SATB2: variants seen among roughly 807,000 people sequenced by gnomAD.
SATB2 encodes SATB homeobox 2.
A neutral mutation model predicts 73.4 loss-of-function variants in SATB2; 1 was observed. That is an observed-to-expected ratio of 0.01 (90% CI 0.00 to 0.06). The LOEUF (loss-of-function observed/expected upper bound fraction) is 0.06. Among genes scored for constraint, SATB2 ranks in the 10% least tolerant of loss-of-function variants. The probability of loss-of-function intolerance (pLI) is 1.00; values close to 1 mark genes in which losing one functional copy is unlikely to be tolerated. For missense variants in SATB2, 459 were observed against 945.8 expected (o/e 0.49, Z 6.75); for synonymous variants, 397 against 367.0 (o/e 1.08, Z -0.93).
chr2:199,441,510 A>G (rs936622342), intron 2 of SATB2, among the ~76,000 whole-genome samples: 1 of 152,208 alleles, frequency 6.6e-6, no homozygotes, highest in East Asian at 1.9e-4. Context: ...TGAGAATGAT[A>G]TCAAGAAATA....
At chr2:199,412,646 T>C (rs1017471290) in intron 3 of SATB2, among the ~76,000 whole-genome samples, 7 of 151,902 alleles carry the variant, frequency 4.6e-5, no homozygotes, top group Non-Finnish European at 8.8e-5. Flanking sequence ...TTTCTTTGTA[T>C]CTCCCTCCAT....
chr2:199,386,702 G>A (rs142982062), intron 3 of SATB2, among the ~76,000 whole-genome samples: 12 of 17,106 alleles, frequency 7.0e-4, no homozygotes, highest in East Asian at 4.9e-3. Context: ...GCAAGCGCGC[G>A]CGCGCGCGCG....
In SATB2 at chr2:199,270,688, T is replaced by C. The variant is rs568869625; in HGVS notation, c.*1523A>G. On this transcript the variant is annotated 3_prime_UTR_variant, in exon 11 of 11. Coordinates refer to ENST00000417098, the MANE Select transcript of SATB2 (RefSeq NM_001172509.2). ...AAGCCGAAAGAGATCTGGAGTACTA[T>C]AGTAGATTGCAGCTTTAATGCTCAT... 4 of 152,350 alleles carry C rather than the reference T, an allele frequency of 2.6e-5. No homozygotes were observed. Among genetic ancestry groups the C allele is most frequent in the African/African-American group, 9.6e-5 (4 of 41,464 alleles). 9.4% of individuals were successfully genotyped at this position (152,350 alleles called of 1,614,324 possible).
At position 199,308,775 on chromosome 2, in the gene SATB2, G is replaced by T. The variant is rs1687511705; in HGVS notation, c.1725C>A (p.Pro575=). The T allele has an allele frequency of 6.2e-7, 1 of 1,614,104 alleles. No individual in the cohort carries two copies. Among genetic ancestry groups the T allele is most frequent in the African/African-American group, 1.3e-5 (1 of 75,030 alleles). The stretch of plus-strand genomic sequence containing the variant: ...GGACACTGACCTGCACCGGCTCAGG[G>T]GGAAGCTGGACCACGTGTTGCATGC... ...SERMQHVVQL[P]PEPVQVLHRQ... is the part of the protein sequence containing the mutation. Residue 575 remains proline, a synonymous_variant, in exon 10 of 11, where the codon CCC becomes CCA. Coordinates refer to ENST00000417098, the MANE Select transcript of SATB2 (RefSeq NM_001172509.2). The surrounding 1 kb of genome is among the most constrained non-coding windows in gnomAD (Gnocchi z 4.6).
intron 3 of SATB2, among the ~76,000 whole-genome samples, chr2:199,392,783 T>C (rs1690185294): frequency 6.6e-6 from 1 of 152,182 alleles, no homozygotes; most frequent in Non-Finnish European, 1.5e-5. Context: ...ACTCACAAGA[T>C]GGTAATTACA....
intron 10 of SATB2, among the ~76,000 whole-genome samples, chr2:199,275,414 C>T (rs537350294): frequency 2.0e-5 from 3 of 152,138 alleles, no homozygotes; most frequent in Non-Finnish European, 4.4e-5. Context: ...TTATTCTGTG[C>T]CAGGCAGTTC....
In SATB2 at chr2:199,308,418, A is replaced by G. The variant is rs10194229; in HGVS notation, c.1740+342T>C. ...TTTTATAGAAAATGAACTGATGGAA[A>G]CCATGTTTTCCGATCGAGAGATTTA... On this transcript the variant is annotated intron_variant, in intron 10 of 10. Transcript: ENST00000417098. This position sits in a 1 kb window ranked among gnomAD's most constrained non-coding sequence, Gnocchi z 4.6. Among the ~76,000 whole-genome samples, 19,368 of 152,070 alleles carry G rather than the reference A, an allele frequency of 0.13. 1,462 individuals carry two copies. Among genetic ancestry groups the G allele is most frequent in the South Asian group, 0.32 (1,529 of 4,820 alleles).
At chr2:199,305,288 C>T (rs1458493397) in intron 10 of SATB2, among the ~76,000 whole-genome samples, 3 of 151,522 alleles carry the variant, frequency 2.0e-5, no homozygotes, top group Non-Finnish European at 4.4e-5. Context: ...CATCTTCTGA[C>T]TTTCTAGATT....
intron 7 of SATB2, chr2:199,347,933 A>T (rs1038445311): frequency 2.0e-5 from 3 of 152,178 alleles, no homozygotes; most frequent in African/African-American, 7.2e-5. Context: ...TCTGAGTCCA[A>T]CCTCAGACTT....
chr2:199,385,383 C>T (rs1404383569), intron 3 of SATB2, among the ~76,000 whole-genome samples: 1 of 152,128 alleles, frequency 6.6e-6, no homozygotes, highest in Non-Finnish European at 1.5e-5. Flanking sequence ...ATCTATCTGC[C>T]CACCTCAGCC....
At chr2:199,417,615 A>T (rs947871795) in intron 3 of SATB2, among the ~76,000 whole-genome samples, 7 of 152,272 alleles carry the variant, frequency 4.6e-5, no homozygotes, top group Non-Finnish European at 7.3e-5. Context: ...ACAGAAAAAA[A>T]ATTTGTCCCA....
At chr2:199,440,589 A>G (rs1691787335) in intron 2 of SATB2, among the ~76,000 whole-genome samples, 2 of 152,298 alleles carry the variant, frequency 1.3e-5, no homozygotes, top group African/African-American at 4.8e-5. Flanking sequence ...GGAGCCACCC[A>G]CAGGTCCACA....
chr2:199,317,785 C>T (rs1687775352), intron 9 of SATB2, among the ~76,000 whole-genome samples: 1 of 151,600 alleles, frequency 6.6e-6, no homozygotes, highest in African/African-American at 2.4e-5. Flanking sequence ...GAGATTATAC[C>T]AAGAGAAAAA....
intron 3 of SATB2, among the ~76,000 whole-genome samples, chr2:199,416,805 A>C (rs1691000485): frequency 6.6e-6 from 1 of 152,078 alleles, no homozygotes; most frequent in Non-Finnish European, 1.5e-5. Flanking sequence ...GGGAGGCTGA[A>C]GCAGGCGGAT....
chr2:199,389,153 G>A lies in SATB2; in HGVS notation c.347-7333C>T, dbSNP rs112295546. On this transcript the variant is annotated intron_variant, in intron 3 of 10. Transcript: ENST00000417098. Reference sequence around the variant, plus strand: ...ATAAATTGTAGTTATTATTGCTAAAGCTGTGGTGGGAATGACTTTTCAATG... The same window carrying A: ...ATAAATTGTAGTTATTATTGCTAAAACTGTGGTGGGAATGACTTTTCAATG... Among the ~76,000 whole-genome samples the A allele has an allele frequency of 6.3e-3, 966 of 152,190 alleles. 6 individuals are homozygous for A. Among genetic ancestry groups the A allele is most frequent in the African/African-American group, 0.022 (916 of 41,542 alleles).
intron 7 of SATB2, among the ~76,000 whole-genome samples, chr2:199,342,678 C>T (rs1688540630): frequency 6.6e-6 from 1 of 151,914 alleles, no homozygotes; most frequent in Non-Finnish European, 1.5e-5. Context: ...TTTCTGTTAG[C>T]AAACCAAAAG....
At chr2:199,422,599 G>A (rs1691205674) in intron 3 of SATB2, among the ~76,000 whole-genome samples, 1 of 152,070 alleles carries the variant, frequency 6.6e-6, no homozygotes, top group South Asian at 2.1e-4. Flanking sequence ...AGACTCAATT[G>A]ACAGATTAGA....
intron 3 of SATB2, among the ~76,000 whole-genome samples, chr2:199,418,818 G>T (rs2105911557): frequency 6.6e-6 from 1 of 152,278 alleles, no homozygotes; most frequent in African/African-American, 2.4e-5. Context: ...AGATGCAAAA[G>T]AGACTATGAT....
chr2:199,448,394 T>C (rs538940629), intron 2 of SATB2, among the ~76,000 whole-genome samples: 2 of 151,996 alleles, frequency 1.3e-5, no homozygotes, highest in East Asian at 3.9e-4. Flanking sequence ...GCAAAGAAAA[T>C]ATTTTCTTGT....
Sources: gnomAD v4.1 joint callset for allele counts (sites outside exome capture counted in the v4.1 genomes callset) on GRCh38, gnomAD v4.1.1 for gene constraint, Gnocchi (gnomAD v3.1) non-coding constraint, MANE v1.5 for transcripts, NCBI Gene and HGNC (gene_info 2026-07-23, HGNC 2026-07-21) for gene names.